The following TXLNB variants were observed in gnomAD, a reference collection of about 807,000 sequenced individuals.
TXLNB encodes the protein beta-taxilin.
A neutral mutation model predicts 57.4 loss-of-function variants in TXLNB; 37 were observed. The observed-to-expected ratio is 0.64, with a 90% CI of 0.50 to 0.85. The LOEUF (loss-of-function observed/expected upper bound fraction) is 0.85. Ranked by LOEUF, TXLNB falls within the 40% of genes least tolerant of loss-of-function variation. The pLI is 0.00. For missense variants in TXLNB, 848 were observed against 825.6 expected (o/e 1.03, Z -0.33); for synonymous variants, 302 against 309.6 (o/e 0.98, Z 0.26).
At chr6:139,323,766 G>T in the TXLNB span, among the ~76,000 whole-genome samples, 1 of 152,170 alleles carries the variant, frequency 6.6e-6, no homozygotes, top group South Asian at 2.1e-4. Context: ...TTTCCTCTTC[G>T]TTTTTCCGGG....
At chr6:139,178,298 GCCTTTGGTTCAGT>G in the TXLNB span, 1 of 152,118 alleles carries the variant, frequency 6.6e-6, no homozygotes, top group Non-Finnish European at 1.5e-5. Flanking sequence ...CCAAAATACA[GCCTTTGGTTCAGT>G]AGATTTTAAT....
chr6:139,226,842 C>T, the TXLNB span, among the ~76,000 whole-genome samples: 1 of 151,754 alleles, frequency 6.6e-6, no homozygotes, highest in African/African-American at 2.4e-5. Context: ...GCCTGAGCAA[C>T]ATGGCAAAAC....
intron 5 of TXLNB, 34 bp from the exon 6 acceptor site, chr6:139,260,471 T>A (rs750169197): frequency 6.2e-7 from 1 of 1,603,672 alleles, no homozygotes; most frequent in East Asian, 2.2e-5. Context: ...GAAAGCTTGG[T>A]TTATTATTGG....
chr6:139,244,539 G>A (rs1035555741), intron 9 of TXLNB, 56 bp downstream of exon 9: 1 of 1,176,878 alleles, frequency 8.5e-7, no homozygotes. Context: ...TGTATCGTAA[G>A]TTTGAATGTT....
chr6:139,243,492 C>CTT (rs1161954954), intron 9 of TXLNB, among the ~76,000 whole-genome samples, 178 bp from the exon 10 acceptor site: 2,193 of 128,028 alleles, frequency 0.017, 90 homozygotes, highest in African/African-American at 0.056. Context: ...CATCACTTTC[C>CTT]TTTTTTTTTT....
the TXLNB span, among the ~76,000 whole-genome samples, chr6:139,202,248 G>A: frequency 6.6e-6 from 1 of 152,116 alleles, no homozygotes; most frequent in Admixed American, 6.6e-5. Flanking sequence ...GTGACCTCTG[G>A]TTTAGCTGAA....
the TXLNB span, among the ~76,000 whole-genome samples, chr6:139,202,972 G>A: frequency 1.1e-4 from 16 of 152,028 alleles, no homozygotes; most frequent in Non-Finnish European, 2.2e-4. Flanking sequence ...TCTGTGCCTG[G>A]CTCATTTCAC....
At chr6:139,315,884 G>A in the TXLNB span, among the ~76,000 whole-genome samples, 1 of 152,068 alleles carries the variant, frequency 6.6e-6, no homozygotes, top group African/African-American at 2.4e-5. Context: ...TGTTATTTTA[G>A]ACACAGAGAA....
chr6:139,241,986 T>C lies in TXLNB; in HGVS notation c.*540A>G, dbSNP rs955244626. 8 of 152,192 alleles carry C rather than the reference T, an allele frequency of 5.3e-5. No individual in the cohort carries two copies. Among genetic ancestry groups the C allele is most frequent in the African/African-American group, 1.7e-4 (7 of 41,450 alleles). The allele number at this position is 152,192 out of a possible 1,614,324, so 9.4% of individuals were successfully genotyped here. The stretch of plus-strand genomic sequence containing the variant: ...GTAATAATGCATTTATATATACATA[T>C]AGATACGTGCATATATGTATATAAA... On this transcript the variant is annotated 3_prime_UTR_variant, in exon 10 of 10. Coordinates refer to ENST00000358430, the MANE Select transcript of TXLNB (RefSeq NM_153235.4).
At chr6:139,164,941 A>AGG in the TXLNB span, among the ~76,000 whole-genome samples, 1 of 151,948 alleles carries the variant, frequency 6.6e-6, no homozygotes, top group Non-Finnish European at 1.5e-5. Flanking sequence ...AGCCCCTTCC[A>AGG]CCTCTGGCCA....
chr6:139,223,011 T>A, the TXLNB span, among the ~76,000 whole-genome samples: 1 of 152,136 alleles, frequency 6.6e-6, no homozygotes, highest in African/African-American at 2.4e-5. Flanking sequence ...CTGATACATA[T>A]AGAACACTGC....
the TXLNB span, among the ~76,000 whole-genome samples, chr6:139,222,737 G>A: frequency 1.3e-5 from 2 of 152,204 alleles, no homozygotes; most frequent in Non-Finnish European, 2.9e-5. Flanking sequence ...AACCCGGGAG[G>A]TGGAGATCGC....
the TXLNB span, among the ~76,000 whole-genome samples, chr6:139,304,541 C>A: frequency 2.6e-5 from 4 of 152,200 alleles, no homozygotes; most frequent in Non-Finnish European, 4.4e-5. Flanking sequence ...AGGTTATCAA[C>A]CAAGCCTGCT....
In TXLNB at chr6:139,283,916, T is replaced by C. The variant is rs530703908; in HGVS notation, c.424+4560A>G. ...CTTCAGATATGGGTTGAATGACTTATTAAAATTCTCTAAGAGGTCCAAATA... is the reference window on the plus strand; with the variant it reads ...CTTCAGATATGGGTTGAATGACTTACTAAAATTCTCTAAGAGGTCCAAATA... On this transcript the variant is annotated intron_variant, in intron 2 of 9. Coordinates refer to ENST00000358430, the MANE Select transcript of TXLNB (RefSeq NM_153235.4). Among the ~76,000 whole-genome samples the C allele has an allele frequency of 1.5e-4, 22 of 146,082 alleles. 1 individual carries two copies. In the South Asian group the frequency reaches 3.7e-3, roughly 24 times the overall value.
At chr6:139,168,077 T>A in the TXLNB span, among the ~76,000 whole-genome samples, 1 of 152,330 alleles carries the variant, frequency 6.6e-6, no homozygotes, top group African/African-American at 2.4e-5. Context: ...ACCTGTCTCC[T>A]TCCCACCAAC....
At chr6:139,210,092 A>G in the TXLNB span, among the ~76,000 whole-genome samples, 1 of 152,210 alleles carries the variant, frequency 6.6e-6, no homozygotes, top group Admixed American at 6.5e-5. Flanking sequence ...CAAACAGCCA[A>G]CAAACATATG....
chr6:139,217,654 C>T, the TXLNB span, among the ~76,000 whole-genome samples: 1 of 151,842 alleles, frequency 6.6e-6, no homozygotes, highest in Non-Finnish European at 1.5e-5. Flanking sequence ...AGATCACGAG[C>T]TCAGAAGATC....
Position 139,243,254 on chromosome 6 carries a change from G to A in TXLNB, c.1327C>T (p.Leu443Phe). The A allele has an allele frequency of 1.2e-6, 2 of 1,613,772 alleles. No individual in the cohort carries two copies. The highest frequency in any genetic ancestry group is 2.2e-5 in the East Asian group (1 of 44,884). The change falls in exon 10 of 10, where the codon CTC becomes TTC. Residue 443 changes from leucine (L) to phenylalanine (F), a missense_variant. Coordinates refer to ENST00000358430, the MANE Select transcript of TXLNB (RefSeq NM_153235.4). ...FVMKIGRLEN[L>F]CRALQEERNE... Reference sequence around the variant, plus strand: ...CTCTCTTCTTGTAAAGCACGGCAGAGGTTCTCTAGCCTCCCGATTTTCATC... The same window carrying A: ...CTCTCTTCTTGTAAAGCACGGCAGAAGTTCTCTAGCCTCCCGATTTTCATC...
rs115749386 is a variant in TXLNB, at chr6:139,291,130, C to G, written c.-15+791G>C. Among the ~76,000 whole-genome samples, 687 of 152,306 alleles carry G rather than the reference C, an allele frequency of 4.5e-3. 7 individuals carry two copies. Among genetic ancestry groups the G allele is most frequent in the East Asian group, 0.031 (163 of 5,184 alleles). On this transcript the variant is annotated intron_variant, in intron 1 of 9. Coordinates refer to ENST00000358430, the MANE Select transcript of TXLNB (RefSeq NM_153235.4). ...CATCTATATATAACTTAGGCCTCCC[C>G]TGAACACGGAGAAAGACACACGGCA...
Sources: gnomAD v4.1 joint callset for allele counts (sites outside exome capture counted in the v4.1 genomes callset) on GRCh38, gnomAD v4.1.1 for gene constraint, MANE v1.5 for transcripts, NCBI Gene and HGNC (gene_info 2026-07-23, HGNC 2026-07-21) for gene names.